PLXNA2: variants seen among roughly 807,000 people sequenced by gnomAD.
PLXNA2 encodes the protein plexin-A2.
A neutral mutation model predicts 193.5 loss-of-function variants in PLXNA2; 91 were observed. The observed-to-expected ratio is 0.47, with a 90% confidence interval of 0.40 to 0.56. The LOEUF (loss-of-function observed/expected upper bound fraction) is 0.56. Ranked by LOEUF, PLXNA2 falls within the 20% of genes least tolerant of loss-of-function variation. PLXNA2 has a pLI of 0.00. For missense variants in PLXNA2, 1,995 were observed against 2,503.2 expected (o/e 0.80, Z 4.33); for synonymous variants, 997 against 1,027.3 (o/e 0.97, Z 0.56).
intron 8 of PLXNA2, among the ~76,000 whole-genome samples, 163 bp from the exon 9 acceptor site, chr1:208,093,063 T>A (rs115916718): frequency 5.9e-5 from 9 of 152,186 alleles, no homozygotes; most frequent in Admixed American, 2.6e-4. Context: ...GGATTCTCCA[T>A]CCATGATATT....
Position 208,052,328 on chromosome 1 carries a change from C to G in PLXNA2, c.2992G>C (p.Gly998Arg). The G allele has an allele frequency of 6.2e-7, 1 of 1,612,478 alleles. No individual in the cohort carries two copies. The highest frequency in any genetic ancestry group is 8.5e-7 in the Non-Finnish European group (1 of 1,179,982). Residue 998 changes from glycine to arginine, a missense_variant and splice_region_variant, in exon 15 of 32, where the codon GGG becomes CGG. By Grantham distance (125) the Gly-to-Arg change is moderately radical (BLOSUM62 -2). This residue lies in a region of PLXNA2 where 1,291 missense variants were observed against 1,673.6 expected (regional missense o/e 0.77). Transcript: ENST00000367033. ...YLGNQTCEFY[G>R]RSMSEIVCVS... Reference sequence around the variant, plus strand: ...GGTGGCCCTTCAAGTTTATCTCACCCGTAGAACTCGCAGGTCTGGTTGCCC... The same window carrying G: ...GGTGGCCCTTCAAGTTTATCTCACCGGTAGAACTCGCAGGTCTGGTTGCCC...
At chr1:208,153,802 T>C (rs980139337) in intron 3 of PLXNA2, among the ~76,000 whole-genome samples, 1 of 152,206 alleles carries the variant, frequency 6.6e-6, no homozygotes, top group African/African-American at 2.4e-5. Flanking sequence ...GTACCCTGTG[T>C]GCTCTGGTCT....
In PLXNA2 at chr1:208,132,886, A is replaced by G. The variant is rs146502165; in HGVS notation, c.1506+9443T>C. 2.0e-5 allele frequency among the ~76,000 whole-genome samples: 3 copies of G among 152,352 alleles called. No homozygotes were observed. The East Asian group carries it at 5.8e-4, about 29-fold the overall frequency. On this transcript the variant is annotated intron_variant, in intron 4 of 31. Coordinates refer to ENST00000367033, the MANE Select transcript of PLXNA2 (RefSeq NM_025179.4). ...TTTACAGGTGAGGTAACTGAAGCAC[A>G]GAAAGGTGAAGCAACTTGCCCAAGG...
chr1:208,192,900 AAAAG>A (rs747523001), intron 3 of PLXNA2, among the ~76,000 whole-genome samples: 6,674 of 117,268 alleles, frequency 0.057, 269 homozygotes, highest in African/African-American at 0.11. Context: ...AAGAAAAAGA[AAAAG>A]AAAAAAAAAA....
At chr1:208,096,607 A>G in intron 7 of PLXNA2, 123 bp downstream of exon 7, 1 of 1,160,118 alleles carries the variant, frequency 8.6e-7, no homozygotes, top group Non-Finnish European at 1.2e-6. Flanking sequence ...AAACGTAAAC[A>G]AGTTGTCTAA....
intron 3 of PLXNA2, among the ~76,000 whole-genome samples, chr1:208,194,138 C>G (rs761095710): frequency 1.3e-5 from 2 of 151,608 alleles, no homozygotes; most frequent in Non-Finnish European, 1.5e-5. Context: ...ACTGTGAGAA[C>G]AGCCTCTTGC....
At chr1:208,029,424 GT>G (rs1664432108) in intron 29 of PLXNA2, 2 of 1,041,528 alleles carry the variant, frequency 1.9e-6, no homozygotes, top group Non-Finnish European at 1.2e-6. Context: ...TCCCTTCACA[GT>G]GCCCGTGGCC....
intron 1 of PLXNA2, among the ~76,000 whole-genome samples, chr1:208,221,315 T>C (rs1468257046): frequency 6.6e-6 from 1 of 151,610 alleles, no homozygotes; most frequent in Non-Finnish European, 1.5e-5. Context: ...GTGATTCCAA[T>C]AGCAGCTGAG....
chr1:208,031,803 C>T (rs772380578), intron 28 of PLXNA2, 44 bp from the exon 29 acceptor site: 1 of 1,478,072 alleles, frequency 6.8e-7, no homozygotes, highest in Admixed American at 1.8e-5. Flanking sequence ...GGGGTGACGG[C>T]AGGTAGCAGA....
chr1:208,220,606 T>A (rs1671298557), intron 1 of PLXNA2, among the ~76,000 whole-genome samples: 1 of 151,726 alleles, frequency 6.6e-6, no homozygotes, highest in Admixed American at 6.6e-5. Context: ...CTAATTTTTT[T>A]TTTTTTTTTG....
chr1:208,204,423 C>A (rs1222279861), intron 3 of PLXNA2, among the ~76,000 whole-genome samples: 1 of 152,166 alleles, frequency 6.6e-6, no homozygotes, highest in Non-Finnish European at 1.5e-5. Flanking sequence ...TACCACCCCA[C>A]CCTCTTCCAG....
At chr1:208,031,869 A>C in intron 28 of PLXNA2, 110 bp from the exon 29 acceptor site, 2 of 1,285,202 alleles carry the variant, frequency 1.6e-6, no homozygotes, top group Non-Finnish European at 2.1e-6. Context: ...TGTCTGGGAC[A>C]CGAGGCTGTG....
chr1:208,142,452 G>A lies in PLXNA2; in HGVS notation c.1383C>T (p.Asp461=), dbSNP rs776017557. ...ACTGGACCCCACCATGGGGGGGACCGTCGGCCCGAATCTGTATGAGAAACA... is the reference window on the plus strand; with the variant it reads ...ACTGGACCCCACCATGGGGGGGACCATCGGCCCGAATCTGTATGAGAAACA... The part of the protein sequence containing the change: ...KSGKLKKIRA[D]GPPHGGVQYE... Residue 461 remains aspartate, a synonymous_variant, in exon 4 of 32, where the codon GAC becomes GAT. Coordinates refer to ENST00000367033, the MANE Select transcript of PLXNA2 (RefSeq NM_025179.4). The A allele has an allele frequency of 1.1e-5, 18 of 1,607,916 alleles. No individual in the cohort carries two copies. Among genetic ancestry groups the A allele is most frequent in the East Asian group, 1.1e-4 (5 of 44,806 alleles).
intron 2 of PLXNA2, among the ~76,000 whole-genome samples, chr1:208,215,330 T>C (rs1004009488): frequency 6.6e-6 from 1 of 152,164 alleles, no homozygotes; most frequent in Non-Finnish European, 1.5e-5. Context: ...CCCCAGTGCC[T>C]AGTACAGTGC....
intron 11 of PLXNA2, among the ~76,000 whole-genome samples, chr1:208,081,314 C>G (rs558188603): frequency 2.4e-4 from 37 of 152,338 alleles, no homozygotes; most frequent in African/African-American, 8.7e-4. Flanking sequence ...GGAGCTACAG[C>G]CCTAAAGATG....
At chr1:208,051,671 G>A (rs147415233) in intron 15 of PLXNA2, among the ~76,000 whole-genome samples, 6 of 152,248 alleles carry the variant, frequency 3.9e-5, no homozygotes, top group African/African-American at 7.2e-5. Context: ...CATGGGCTTC[G>A]GGGAAACTCC....
At chr1:208,046,687 A>T (rs1360740027) in intron 17 of PLXNA2, among the ~76,000 whole-genome samples, 1 of 151,652 alleles carries the variant, frequency 6.6e-6, no homozygotes, top group Non-Finnish European at 1.5e-5. Context: ...TTACCTAGAT[A>T]AGGAGAGGGA....
intron 2 of PLXNA2, among the ~76,000 whole-genome samples, chr1:208,213,575 A>G (rs1671031756): frequency 6.6e-6 from 1 of 152,242 alleles, no homozygotes; most frequent in Non-Finnish European, 1.5e-5. Context: ...AATGAGTGAT[A>G]GCCCCCTTCT....
chr1:208,185,784 C>T (rs987869599), intron 3 of PLXNA2, among the ~76,000 whole-genome samples: 28 of 149,434 alleles, frequency 1.9e-4, no homozygotes, highest in African/African-American at 6.2e-4. Context: ...CTTTGTGTTC[C>T]TCCAGCTGGC....
Sources: allele counts gnomAD v4.1 joint callset (sites outside exome capture counted in the v4.1 genomes callset), GRCh38; gene constraint gnomAD v4.1.1; regional missense constraint gnomAD v4.1.1; transcripts MANE v1.5; gene names NCBI Gene and HGNC (gene_info 2026-07-23, HGNC 2026-07-21).